Variants in NOL4L observed in about 807,000 individuals in gnomAD.
The protein encoded by NOL4L is nucleolar protein 4 like, also known as nucleolar protein 4-like.
A neutral mutation model predicts 64.5 loss-of-function variants in NOL4L; 7 were observed. The observed-to-expected ratio is 0.11, with a 90% CI of 0.06 to 0.20. The LOEUF (loss-of-function observed/expected upper bound fraction) is 0.20. NOL4L is among the 10% of genes least tolerant of loss of function. NOL4L has a pLI of 1.00. For synonymous variants in NOL4L, 413 were observed against 401.0 expected, an observed-to-expected ratio of 1.03 and a Z score of -0.36; for missense variants, 680 against 967.1, an observed-to-expected ratio of 0.70 and a Z score of 3.94.
Position 32,453,226 on chromosome 20 carries a change from G to A in NOL4L, c.1497+78C>T. On this transcript the variant is annotated intron_variant, in intron 8 of 10. Transcript: ENST00000621426. This position sits in a 1 kb window ranked among gnomAD's most constrained non-coding sequence, Gnocchi z 5.6. The stretch of plus-strand genomic sequence containing the variant: ...TCCTGGGAAGACCCTGGGTGAAGGG[G>A]CCCGGGCATCCTGGGAGTGTGGCAG... 1.3e-6 allele frequency: 2 copies of A among 1,536,016 alleles called. No homozygotes were observed. The highest frequency in any genetic ancestry group is 1.2e-5 in the South Asian group (1 of 81,602).
intron 2 of NOL4L, among the ~76,000 whole-genome samples, chr20:32,525,277 G>A (rs548161813): frequency 6.6e-6 from 1 of 152,270 alleles, no homozygotes; most frequent in South Asian, 2.1e-4. Context: ...GACACCGAAG[G>A]GGCCAGGGAA....
intron 1 of NOL4L, among the ~76,000 whole-genome samples, chr20:32,556,868 C>T (rs1978686071): frequency 6.6e-6 from 1 of 152,238 alleles, no homozygotes; most frequent in African/African-American, 2.4e-5. Flanking sequence ...CAGTGCCTCG[C>T]CACACGGCCA....
At position 32,453,832 on chromosome 20, in the gene NOL4L, C is replaced by G; in HGVS notation, c.1120-71G>C. The G allele has an allele frequency of 4.1e-6, 6 of 1,459,516 alleles. No individual in the cohort carries two copies. The highest frequency in any genetic ancestry group is 5.6e-6 in the Non-Finnish European group (6 of 1,074,048). 90.4% of individuals were successfully genotyped at this position (1,459,516 alleles called of 1,614,324 possible). A position where few individuals can be genotyped will look rare whatever the true frequency, so the allele number is the denominator to read the frequency against. ...AAGCCCTTGCTGGGTCTCCTACAGGCGGTGAGCTTGGGGACCAGGGTGGCA... is the reference window on the plus strand; with the variant it reads ...AAGCCCTTGCTGGGTCTCCTACAGGGGGTGAGCTTGGGGACCAGGGTGGCA... On this transcript the variant is annotated intron_variant, in intron 6 of 10. Transcript: ENST00000621426. The surrounding 1 kb of genome is among the most constrained non-coding windows in gnomAD (Gnocchi z 5.6).
In NOL4L at chr20:32,548,606, T is replaced by C. The variant is rs139262967; in HGVS notation, c.322-20693A>G. 81 of 267,232 alleles carry C rather than the reference T, an allele frequency of 3.0e-4. 1 individual carries two copies. Among genetic ancestry groups the C allele is most frequent in the Non-Finnish European group, 4.8e-4 (64 of 132,472 alleles). The allele number at this position is 267,232 out of a possible 1,614,324, so 16.6% of individuals were successfully genotyped here. On this transcript the variant is annotated intron_variant, in intron 1 of 10. Transcript: ENST00000621426. ...AATGCTCAATATACAGTAACCTCGG[T>C]CATCACACGAATGGCTCACGTTCTA...
At chr20:32,559,480 G>A (rs747627679) in intron 1 of NOL4L, among the ~76,000 whole-genome samples, 3 of 152,244 alleles carry the variant, frequency 2.0e-5, no homozygotes, top group Non-Finnish European at 4.4e-5. Flanking sequence ...CAGAGTCAAT[G>A]ACAAATTGCC....
At chr20:32,447,905 G>A (rs1211672900) in intron 10 of NOL4L, 89 bp from the exon 11 acceptor site, 2 of 1,456,548 alleles carry the variant, frequency 1.4e-6, no homozygotes, top group Admixed American at 2.5e-5. Context: ...CATAACCTAT[G>A]GCCTAGTGCC....
intron 4 of NOL4L, among the ~76,000 whole-genome samples, chr20:32,487,176 G>A (rs1450891965): frequency 2.6e-5 from 4 of 152,132 alleles, no homozygotes; most frequent in Admixed American, 2.6e-4. Context: ...GCTGGGGTAG[G>A]AGAATTGCTT....
chr20:32,549,589 C>T lies in NOL4L; in HGVS notation c.322-21676G>A, dbSNP rs140604631. Among the ~76,000 whole-genome samples the T allele has an allele frequency of 2.0e-5, 3 of 152,150 alleles. No individual in the cohort carries two copies. The East Asian group carries it at 5.8e-4, about 29-fold the overall frequency. On this transcript the variant is annotated intron_variant, in intron 1 of 10. Transcript: ENST00000621426. ...CCAACATGGTGAAACCCTGTCTCTA[C>T]TAAAAATACAAAAATTAGCCGGGAG...
At chr20:32,578,163 G>A (rs1308512747) in intron 1 of NOL4L, among the ~76,000 whole-genome samples, 3 of 135,364 alleles carry the variant, frequency 2.2e-5, no homozygotes, top group African/African-American at 8.3e-5. Context: ...AGGGAGGGAG[G>A]GAGGGAGGGA....
chr20:32,495,427 G>A (rs2016648193), intron 4 of NOL4L, among the ~76,000 whole-genome samples: 1 of 152,190 alleles, frequency 6.6e-6, no homozygotes, highest in South Asian at 2.1e-4. Flanking sequence ...GCCTATTCCT[G>A]AGGTGGTGCA....
intron 4 of NOL4L, among the ~76,000 whole-genome samples, chr20:32,485,275 CT>C (rs2016040138): frequency 6.6e-6 from 1 of 152,010 alleles, no homozygotes; most frequent in Non-Finnish European, 1.5e-5. Context: ...AACCCTCCAA[CT>C]TTTTTTCTGT....
At chr20:32,451,324 C>A (rs1475986191) in intron 10 of NOL4L, among the ~76,000 whole-genome samples, 1 of 152,228 alleles carries the variant, frequency 6.6e-6, no homozygotes, top group Non-Finnish European at 1.5e-5. Flanking sequence ...ATTCACGGCC[C>A]TTCTGTGCTT....
chr20:32,456,252 C>G lies in NOL4L; in HGVS notation c.985G>C (p.Glu329Gln), dbSNP rs531118113. The G allele has an allele frequency of 2.4e-5, 38 of 1,605,448 alleles. 1 individual carries two copies. In the South Asian group the frequency reaches 4.0e-4, roughly 17 times the overall value. The change falls in exon 6 of 11, where the codon GAG (glutamate) becomes CAG (glutamine). Residue 329 changes from glutamate (E) to glutamine (Q), a missense_variant. By Grantham distance (29) the Glu-to-Gln change is conservative (BLOSUM62 2). This residue lies in a region of NOL4L where 254 missense variants were observed against 238.7 expected (regional missense o/e 1.06). Coordinates refer to ENST00000621426, the MANE Select transcript of NOL4L (RefSeq NM_001256798.2). ...VAPMDFTTAA[E>Q]DQPINLCDKL... ...TCACACAGGTTGATGGGCTGATCCTCGGCGGCCGTGGTGAAGTCCATGGGG... is the reference window on the plus strand; with the variant it reads ...TCACACAGGTTGATGGGCTGATCCTGGGCGGCCGTGGTGAAGTCCATGGGG...
intron 4 of NOL4L, among the ~76,000 whole-genome samples, chr20:32,508,831 C>T (rs2017250032): frequency 6.6e-6 from 1 of 152,218 alleles, no homozygotes; most frequent in Admixed American, 6.5e-5. Flanking sequence ...CGGTTCATCC[C>T]CTGATACTCA....
At chr20:32,523,630 A>G (rs1356348270) in intron 2 of NOL4L, among the ~76,000 whole-genome samples, 2 of 152,208 alleles carry the variant, frequency 1.3e-5, no homozygotes, top group South Asian at 2.1e-4. Flanking sequence ...AGACTCATAC[A>G]CTGAAGCCCA....
At chr20:32,537,063 C>G (rs544777717) in intron 1 of NOL4L, 4 of 984,920 alleles carry the variant, frequency 4.1e-6, no homozygotes, top group Admixed American at 6.2e-5. Flanking sequence ...CCTGCCCCGC[C>G]CCCCCGGGAC....
Position 32,444,236 on chromosome 20 carries a change from A to G in NOL4L, c.*3360T>C, listed in dbSNP as rs925124914. 12 of 152,360 alleles carry G rather than the reference A, an allele frequency of 7.9e-5. No individual in the cohort carries two copies. The highest frequency in any genetic ancestry group is 3.3e-4 in the Admixed American group (5 of 15,304). 9.4% of individuals were successfully genotyped at this position (152,360 alleles called of 1,614,324 possible). On this transcript the variant is annotated 3_prime_UTR_variant, in exon 11 of 11. Transcript: ENST00000621426. ...AAGGATTGAGCTGTTTAGCTCAGAA[A>G]CAACAAAAACAAAGTTTCTAAAGCA... is the stretch of plus-strand genomic sequence containing the variant.
At chr20:32,488,813 CTTTCTTTCTTTCTTTTTCTT>C (rs1568648454) in intron 4 of NOL4L, among the ~76,000 whole-genome samples, 12 of 24,438 alleles carry the variant, frequency 4.9e-4, no homozygotes, top group Non-Finnish European at 7.2e-4. Context: ...CTTTTTCTTT[CTTTCTTTCTTTCTTTTTCTT>C]TCTTTCTTTC....
At chr20:32,465,592 G>A (rs1182416093) in intron 5 of NOL4L, among the ~76,000 whole-genome samples, 7 of 152,198 alleles carry the variant, frequency 4.6e-5, no homozygotes, top group African/African-American at 1.4e-4. Context: ...TGCAAAGATC[G>A]AGCCGAGACA....
Sources: gnomAD v4.1 joint callset for allele counts (sites outside exome capture counted in the v4.1 genomes callset) on GRCh38, gnomAD v4.1.1 for gene constraint, gnomAD v4.1.1 regional missense constraint, Gnocchi (gnomAD v3.1) non-coding constraint, MANE v1.5 for transcripts, NCBI Gene and HGNC (gene_info 2026-07-23, HGNC 2026-07-21) for gene names.